Variants in ADAMTSL1 observed in about 807,000 individuals in gnomAD.
ADAMTSL1 encodes the protein ADAMTS like 1.
In ADAMTSL1, 126 loss-of-function variants were observed where a neutral mutation model predicts 201.8. The observed-to-expected ratio is 0.62, with a 90% confidence interval of 0.54 to 0.72. ADAMTSL1 has a LOEUF of 0.72. Ranked by LOEUF, ADAMTSL1 falls within the 30% of genes least tolerant of loss-of-function variation. The pLI is 0.00. For synonymous variants in ADAMTSL1, 1,121 were observed against 903.4 expected (o/e 1.24, Z -4.32); for missense variants, 2,679 against 2,277.8 (o/e 1.18, Z -3.59).
At chr9:18,342,421 A>G (rs1835502736) in intron 2 of ADAMTSL1, among the ~76,000 whole-genome samples, 2 of 152,184 alleles carry the variant, frequency 1.3e-5, no homozygotes, top group African/African-American at 4.8e-5. Context: ...CACAAATGGC[A>G]AAGAGAGTAG....
At chr9:18,240,969 C>T (rs774295193) in intron 2 of ADAMTSL1, among the ~76,000 whole-genome samples, 1 of 152,194 alleles carries the variant, frequency 6.6e-6, no homozygotes, top group African/African-American at 2.4e-5. Flanking sequence ...GAGTTAGGGC[C>T]TTGCTCTGGA....
chr9:18,819,282 C>T (rs1006649523), intron 21 of ADAMTSL1, among the ~76,000 whole-genome samples: 9 of 152,028 alleles, frequency 5.9e-5, no homozygotes, highest in African/African-American at 2.2e-4. Flanking sequence ...ATGGTGAAAC[C>T]CTATCTCTAC....
At chr9:18,810,613 G>C (rs1823439424) in intron 20 of ADAMTSL1, among the ~76,000 whole-genome samples, 1 of 152,122 alleles carries the variant, frequency 6.6e-6, no homozygotes, top group African/African-American at 2.4e-5. Context: ...ACTTACAGAA[G>C]GTTAAGCTTG....
intron 17 of ADAMTSL1, among the ~76,000 whole-genome samples, chr9:18,771,970 A>G (rs1475856878): frequency 6.6e-6 from 1 of 152,174 alleles, no homozygotes; most frequent in African/African-American, 2.4e-5. Flanking sequence ...ACTTGGCAGT[A>G]AAACTGCTTC....
chr9:18,028,599 T>C (rs2131599249), intron 1 of ADAMTSL1, among the ~76,000 whole-genome samples: 1 of 152,300 alleles, frequency 6.6e-6, no homozygotes, highest in South Asian at 2.1e-4. Flanking sequence ...CTGAGGGCTC[T>C]GTTCTGTTCC....
chr9:18,697,764 G>A (rs544568960), intron 13 of ADAMTSL1, among the ~76,000 whole-genome samples: 39 of 152,288 alleles, frequency 2.6e-4, no homozygotes, highest in Non-Finnish European at 4.6e-4. Context: ...TTTTTTACTT[G>A]AGCAATTAGG....
intron 2 of ADAMTSL1, among the ~76,000 whole-genome samples, chr9:18,274,194 A>C (rs1038897886): frequency 1.3e-5 from 2 of 152,252 alleles, no homozygotes; most frequent in African/African-American, 4.8e-5. Flanking sequence ...ATGGGAAGAA[A>C]GCTCGAATCT....
chr9:18,204,502 G>A (rs2132287461), intron 2 of ADAMTSL1, among the ~76,000 whole-genome samples: 1 of 152,108 alleles, frequency 6.6e-6, no homozygotes, highest in East Asian at 1.9e-4. Context: ...GTTCTTCATA[G>A]TAGTATGAAA....
chr9:18,909,649 T>A lies in ADAMTSL1; in HGVS notation c.*1101T>A, dbSNP rs1197372408. On this transcript the variant is annotated 3_prime_UTR_variant, in exon 29 of 29. Transcript: ENST00000380548. ...ACATCAACCCATTAACTAGTCACTG[T>A]GCCAGAGAGTATCTGTCAGGCTGTC... 1.6e-5 allele frequency: 2 copies of A among 128,590 alleles called. No individual in the cohort carries two copies. The highest frequency in any genetic ancestry group is 8.3e-5 in the Admixed American group (1 of 12,060). 8.0% of individuals were successfully genotyped at this position (128,590 alleles called of 1,614,324 possible).
intron 2 of ADAMTSL1, among the ~76,000 whole-genome samples, chr9:18,335,109 TAATC>T (rs1835178893): frequency 6.6e-6 from 1 of 152,164 alleles, no homozygotes; most frequent in Non-Finnish European, 1.5e-5. Context: ...ATGACAAAGA[TAATC>T]AAAGTGGTGA....
At chr9:18,495,817 T>C (rs1822506518) in intron 1 of ADAMTSL1, among the ~76,000 whole-genome samples, 1 of 152,128 alleles carries the variant, frequency 6.6e-6, no homozygotes, top group Non-Finnish European at 1.5e-5. Context: ...GTCCCTGAAA[T>C]TGAAATTACT....
At chr9:17,981,649 C>T (rs1165360635) in intron 1 of ADAMTSL1, among the ~76,000 whole-genome samples, 1 of 152,108 alleles carries the variant, frequency 6.6e-6, no homozygotes, top group East Asian at 1.9e-4. Flanking sequence ...CTTTAGAAAC[C>T]TTTTATACTT....
chr9:18,768,135 G>T (rs1417094363), intron 16 of ADAMTSL1, among the ~76,000 whole-genome samples: 1 of 152,212 alleles, frequency 6.6e-6, no homozygotes, highest in South Asian at 2.1e-4. Flanking sequence ...GTCAGGGATG[G>T]TCACAAGAGT....
In ADAMTSL1 at chr9:18,184,384, A is replaced by G. The variant is rs1387320102; in HGVS notation, c.207+20403A>G. ...ATATCAATTTTTCTCAAGTTTATCT[A>G]GGATTATTCAAGTATTTCCTACACA... On this transcript the variant is annotated intron_variant, in intron 2 of 29. Coordinates refer to the ADAMTSL1 transcript ENST00000680146. Among the ~76,000 whole-genome samples the G allele has an allele frequency of 3.3e-5, 5 of 152,220 alleles. No homozygotes were observed. In the East Asian group the frequency reaches 5.8e-4, roughly 18 times the overall value.
chr9:18,154,310 C>G (rs1345445582), intron 1 of ADAMTSL1, among the ~76,000 whole-genome samples: 1 of 152,014 alleles, frequency 6.6e-6, no homozygotes, highest in Non-Finnish European at 1.5e-5. Context: ...CCGAGTTCAA[C>G]TGAATGATTC....
At chr9:18,159,332 G>A (rs892019272) in intron 1 of ADAMTSL1, among the ~76,000 whole-genome samples, 5 of 151,928 alleles carry the variant, frequency 3.3e-5, no homozygotes, top group Non-Finnish European at 7.4e-5. Context: ...CATGAGCTTG[G>A]CTATGATTCA....
intron 1 of ADAMTSL1, among the ~76,000 whole-genome samples, chr9:18,018,986 A>G (rs749118966): frequency 1.6e-4 from 24 of 152,054 alleles, no homozygotes; most frequent in Non-Finnish European, 1.6e-4. Context: ...ATGTTAATAA[A>G]AGCTTAAAGT....
chr9:18,743,823 C>T (rs1218050280), intron 15 of ADAMTSL1, among the ~76,000 whole-genome samples: 1 of 152,128 alleles, frequency 6.6e-6, no homozygotes, highest in African/African-American at 2.4e-5. Flanking sequence ...CTTTTCTAGG[C>T]CTCTTTTAAG....
chr9:18,830,411 G>A (rs573373051), intron 23 of ADAMTSL1, among the ~76,000 whole-genome samples: 56 of 152,262 alleles, frequency 3.7e-4, no homozygotes, highest in African/African-American at 1.3e-3. Context: ...TCAAATATCA[G>A]CACCCTCCAA....
Sources: allele counts gnomAD v4.1 joint callset (sites outside exome capture counted in the v4.1 genomes callset), GRCh38; gene constraint gnomAD v4.1.1; transcripts MANE v1.5; gene names NCBI Gene and HGNC (gene_info 2026-07-23, HGNC 2026-07-21).